The following CALN1 variants were observed in gnomAD, a reference collection of about 807,000 sequenced individuals.
CALN1 encodes calneuron 1.
Under a neutral mutation model 30.6 loss-of-function variants are expected in CALN1, and 17 were observed. That is an observed-to-expected ratio of 0.56 (90% CI 0.38 to 0.83). The LOEUF (loss-of-function observed/expected upper bound fraction) is 0.83, where lower values mean the gene tolerates loss of function less well. CALN1 is among the 40% of genes least tolerant of loss of function. The pLI is 0.00. For synonymous variants in CALN1, 156 were observed against 131.4 expected (o/e 1.19, Z -1.28); for missense variants, 291 against 354.9 (o/e 0.82, Z 1.45).
At chr7:72,333,535 T>G (rs146074779) in intron 2 of CALN1, among the ~76,000 whole-genome samples, 13 of 152,128 alleles carry the variant, frequency 8.5e-5, no homozygotes, top group African/African-American at 3.1e-4. Flanking sequence ...AGCTTAAGAG[T>G]CAGAACTCAC....
chr7:72,396,976 T>C (rs1397128707), intron 2 of CALN1, among the ~76,000 whole-genome samples: 2 of 151,944 alleles, frequency 1.3e-5, no homozygotes, highest in African/African-American at 4.8e-5. Flanking sequence ...AGTGGCATGA[T>C]CATAATTCAC....
At chr7:72,402,936 C>G (rs1414275132) in intron 2 of CALN1, among the ~76,000 whole-genome samples, 1 of 152,158 alleles carries the variant, frequency 6.6e-6, no homozygotes. Flanking sequence ...GCAAAGCTCC[C>G]ATTTTTATGC....
rs1032307479 is a variant in CALN1 at position 71,779,802 on chromosome 7, C to T, written c.*7973G>A. The T allele has an allele frequency of 1.3e-5, 2 of 152,122 alleles. No homozygotes were observed. The highest frequency in any genetic ancestry group is 1.3e-4 in the Admixed American group (2 of 15,268). 9.4% of individuals were successfully genotyped at this position (152,122 alleles called of 1,614,324 possible). On this transcript the variant is annotated 3_prime_UTR_variant, in exon 7 of 7. Coordinates refer to ENST00000395275, the MANE Select transcript of CALN1 (RefSeq NM_031468.4). ...ATACTGAATGAGAGAAAATGGGATG[C>T]TAATGAGGTAAATGGGAAGATGGTG...
intron 5 of CALN1, 132 bp downstream of exon 5, chr7:72,023,525 G>T (rs1800850606): frequency 7.5e-6 from 4 of 532,916 alleles, no homozygotes; most frequent in Non-Finnish European, 1.3e-5. Context: ...TTGATTCTTT[G>T]TTCTGGAACA....
At chr7:72,472,310 T>C in the CALN1 span, among the ~76,000 whole-genome samples, 3 of 152,202 alleles carry the variant, frequency 2.0e-5, no homozygotes, top group Non-Finnish European at 4.4e-5. Flanking sequence ...GCATGGTCAA[T>C]GGAGACAATG....
At chr7:72,110,112 G>A (rs916504083) in intron 3 of CALN1, among the ~76,000 whole-genome samples, 2 of 152,150 alleles carry the variant, frequency 1.3e-5, no homozygotes, top group East Asian at 3.9e-4. Context: ...CTGGGTTACT[G>A]ATATGGCTGG....
intron 3 of CALN1, among the ~76,000 whole-genome samples, chr7:72,199,765 T>A (rs1420174354): frequency 6.6e-6 from 1 of 151,760 alleles, no homozygotes; most frequent in Admixed American, 6.6e-5. Context: ...GCCCAGGAGG[T>A]CAAGATCACA....
intron 5 of CALN1, among the ~76,000 whole-genome samples, chr7:71,999,301 A>G (rs1799409969): frequency 6.6e-6 from 1 of 152,206 alleles, no homozygotes; most frequent in Non-Finnish European, 1.5e-5. Flanking sequence ...AAATATGGCC[A>G]CATCAAAAAG....
chr7:71,866,201 G>C (rs1791577915), intron 5 of CALN1, among the ~76,000 whole-genome samples: 1 of 151,896 alleles, frequency 6.6e-6, no homozygotes, highest in Non-Finnish European at 1.5e-5. Context: ...TAGAGATGGG[G>C]TTTCACCATG....
At chr7:72,079,972 T>G (rs1805020095) in intron 4 of CALN1, among the ~76,000 whole-genome samples, 1 of 152,050 alleles carries the variant, frequency 6.6e-6, no homozygotes, top group Non-Finnish European at 1.5e-5. Context: ...GGTTTTGCCA[T>G]GTTGGCCAGG....
chr7:72,160,832 C>A (rs985241763), intron 3 of CALN1, among the ~76,000 whole-genome samples: 4 of 152,220 alleles, frequency 2.6e-5, no homozygotes, highest in African/African-American at 9.6e-5. Context: ...GTTACCAGCA[C>A]CATGGCTGCT....
In CALN1 at chr7:72,319,243, T is replaced by C. The variant is rs191963726; in HGVS notation, c.120-40433A>G. ...AACACATACCCGAGACTGGACAATT[T>C]ACAAAAGAAAGAGGTTCCACAGACT... On this transcript the variant is annotated intron_variant, in intron 2 of 6. Coordinates refer to ENST00000395275, the MANE Select transcript of CALN1 (RefSeq NM_031468.4). Among the ~76,000 whole-genome samples the C allele has an allele frequency of 6.6e-5, 10 of 152,272 alleles. No homozygotes were observed. In the East Asian group the frequency reaches 1.9e-3, roughly 29 times the overall value.
At chr7:72,405,423 A>G (rs1244204646) in intron 1 of CALN1, among the ~76,000 whole-genome samples, 1 of 152,164 alleles carries the variant, frequency 6.6e-6, no homozygotes, top group African/African-American at 2.4e-5. Flanking sequence ...TTATGGTGGA[A>G]GGCAAAGGGC....
At chr7:72,191,948 C>T (rs1790639358) in intron 3 of CALN1, among the ~76,000 whole-genome samples, 2 of 152,018 alleles carry the variant, frequency 1.3e-5, no homozygotes, top group African/African-American at 4.8e-5. Flanking sequence ...TTGCCATTAC[C>T]TTTAATGGCA....
chr7:71,972,573 C>T (rs768087600), intron 5 of CALN1, among the ~76,000 whole-genome samples: 9 of 152,070 alleles, frequency 5.9e-5, no homozygotes, highest in Non-Finnish European at 7.4e-5. Flanking sequence ...GGTATTTTGT[C>T]GCAAGTGATA....
In CALN1 at chr7:72,292,592, A is replaced by T. The variant is rs1398515858; in HGVS notation, c.120-13782T>A. The stretch of plus-strand genomic sequence containing the variant: ...TCCCAGCACTTTGGGAGGCCAAGGC[A>T]GGTGGATCACTTGAGGTCAGGAATT... On this transcript the variant is annotated intron_variant, in intron 2 of 6. Transcript: ENST00000395275. Among the ~76,000 whole-genome samples, 3 of 151,576 alleles carry T rather than the reference A, an allele frequency of 2.0e-5. No homozygotes were observed. In the South Asian group the frequency reaches 6.2e-4, roughly 31 times the overall value.
At chr7:72,030,488 G>T (rs1445359330) in intron 4 of CALN1, among the ~76,000 whole-genome samples, 1 of 152,068 alleles carries the variant, frequency 6.6e-6, no homozygotes, top group African/African-American at 2.4e-5. Context: ...TAATTTAACA[G>T]ACAAACAGGG....
chr7:71,901,277 G>C (rs1584476747), intron 5 of CALN1, among the ~76,000 whole-genome samples: 1 of 152,134 alleles, frequency 6.6e-6, no homozygotes, highest in East Asian at 1.9e-4. Flanking sequence ...TGAACAAATA[G>C]AAAAATATTC....
intron 4 of CALN1, among the ~76,000 whole-genome samples, chr7:72,054,514 T>C (rs1220039239): frequency 1.1e-5 from 1 of 92,528 alleles, no homozygotes; most frequent in Non-Finnish European, 1.8e-5. Flanking sequence ...TATATACATA[T>C]ATATACATAT....
Sources: gnomAD v4.1 joint callset for allele counts (sites outside exome capture counted in the v4.1 genomes callset) on GRCh38, gnomAD v4.1.1 for gene constraint, MANE v1.5 for transcripts, NCBI Gene and HGNC (gene_info 2026-07-23, HGNC 2026-07-21) for gene names.